The following LRRC4C variants were observed in gnomAD, a reference collection of about 807,000 sequenced individuals.
The protein encoded by LRRC4C is leucine rich repeat containing 4C.
A neutral mutation model predicts 33.6 loss-of-function variants in LRRC4C; 5 were observed. The observed-to-expected ratio is 0.15, with a 90% CI of 0.08 to 0.31. The LOEUF (loss-of-function observed/expected upper bound fraction) is 0.31, where lower values mean the gene tolerates loss of function less well. LRRC4C is among the 10% of genes least tolerant of loss of function. The pLI, the probability that LRRC4C is intolerant of heterozygous loss-of-function variation, is 1.00. For synonymous variants in LRRC4C, 329 were observed against 302.0 expected (o/e 1.09, Z -0.93); for missense variants, 560 against 796.7 (o/e 0.70, Z 3.58).
intron 3 of LRRC4C, among the ~76,000 whole-genome samples, chr11:40,462,314 T>C (rs926166358): frequency 6.6e-6 from 1 of 152,114 alleles, no homozygotes; most frequent in Non-Finnish European, 1.5e-5. Context: ...CTTTATTATG[T>C]AGGAACAATT....
chr11:41,201,044 G>A (rs1946381229), intron 1 of LRRC4C, among the ~76,000 whole-genome samples: 1 of 152,154 alleles, frequency 6.6e-6, no homozygotes, highest in South Asian at 2.1e-4. Flanking sequence ...AATGTTTTAA[G>A]ATGGAGAAAC....
intron 5 of LRRC4C, among the ~76,000 whole-genome samples, chr11:40,236,578 G>A (rs912426983): frequency 1.3e-5 from 2 of 152,098 alleles, no homozygotes; most frequent in African/African-American, 4.8e-5. Context: ...AAAGGATTAT[G>A]AACAGAATAT....
intron 1 of LRRC4C, among the ~76,000 whole-genome samples, chr11:41,161,437 T>C (rs2136028985): frequency 6.6e-6 from 1 of 152,314 alleles, no homozygotes; most frequent in East Asian, 1.9e-4. Context: ...CTTAAGTGCA[T>C]ACTATTAAAT....
At chr11:41,217,378 C>T (rs1947106656) in intron 1 of LRRC4C, among the ~76,000 whole-genome samples, 1 of 152,060 alleles carries the variant, frequency 6.6e-6, no homozygotes, top group Admixed American at 6.6e-5. Flanking sequence ...TATCTGAATA[C>T]TTTAAAAATA....
chr11:41,421,241 A>T (rs990212946), intron 1 of LRRC4C, among the ~76,000 whole-genome samples: 3 of 152,020 alleles, frequency 2.0e-5, no homozygotes, highest in Non-Finnish European at 4.4e-5. Context: ...CCAGATAGAA[A>T]ATCCCAACCA....
At chr11:41,002,187 C>A (rs996811212) in intron 1 of LRRC4C, among the ~76,000 whole-genome samples, 3 of 152,110 alleles carry the variant, frequency 2.0e-5, no homozygotes, top group East Asian at 1.9e-4. Context: ...AAGTAACAGA[C>A]CTCTGATGGA....
intron 1 of LRRC4C, among the ~76,000 whole-genome samples, chr11:41,026,980 ACT>A (rs1230435334): frequency 1.3e-5 from 2 of 151,282 alleles, no homozygotes; most frequent in African/African-American, 2.4e-5. Flanking sequence ...CCAAACGCAC[ACT>A]CTCTCTTTTC....
rs185975451 is a variant in LRRC4C at position 41,017,322 on chromosome 11, C to A, written c.-495-83599G>T. ...TTATATTCATTTGATTAGGCATGGA[C>A]AAGTTTTCATCCAATTCAAGGTTGT... is the stretch of plus-strand genomic sequence containing the variant. On this transcript the variant is annotated intron_variant, in intron 1 of 6. Transcript: ENST00000528697. Among the ~76,000 whole-genome samples the A allele has an allele frequency of 3.3e-5, 5 of 152,276 alleles. No homozygotes were observed. The East Asian group carries it at 9.7e-4, about 29-fold the overall frequency.
chr11:40,881,361 T>G (rs1182435901), intron 2 of LRRC4C, among the ~76,000 whole-genome samples: 1 of 152,162 alleles, frequency 6.6e-6, no homozygotes, highest in Non-Finnish European at 1.5e-5. Flanking sequence ...CTTACTCATT[T>G]CTGAGGCCAT....
intron 2 of LRRC4C, among the ~76,000 whole-genome samples, chr11:40,809,786 G>T (rs1951410745): frequency 6.6e-6 from 1 of 152,140 alleles, no homozygotes; most frequent in Non-Finnish European, 1.5e-5. Flanking sequence ...CAGACTCTCA[G>T]TAAATGGTGG....
chr11:40,497,994 C>G (rs1009691100), intron 3 of LRRC4C, among the ~76,000 whole-genome samples: 2 of 152,132 alleles, frequency 1.3e-5, no homozygotes, highest in African/African-American at 4.8e-5. Flanking sequence ...TTGTACTACT[C>G]TTAACACTTA....
At chr11:40,412,634 A>G (rs1950193476) in intron 3 of LRRC4C, among the ~76,000 whole-genome samples, 1 of 151,986 alleles carries the variant, frequency 6.6e-6, no homozygotes, top group Non-Finnish European at 1.5e-5. Context: ...GCCACCTCCC[A>G]TGTCATTCAC....
chr11:40,767,072 C>A (rs1295919646), intron 2 of LRRC4C, among the ~76,000 whole-genome samples: 1 of 151,758 alleles, frequency 6.6e-6, no homozygotes. Flanking sequence ...AATCTGTTTC[C>A]TACCGAAAGC....
At chr11:40,666,551 C>T (rs1943823696) in intron 2 of LRRC4C, among the ~76,000 whole-genome samples, 1 of 152,034 alleles carries the variant, frequency 6.6e-6, no homozygotes. Context: ...TGCAATGTCT[C>T]AAAAATGGTT....
chr11:40,486,218 G>A lies in LRRC4C; in HGVS notation c.-270+161924C>T, dbSNP rs1181148782. On this transcript the variant is annotated intron_variant, in intron 3 of 6. Transcript: ENST00000528697. ...AATATTGATGCAATCTGACCATATG[G>A]GCCTTCTGACAGGATGAAAACTACA... Among the ~76,000 whole-genome samples, 3 of 150,150 alleles carry A rather than the reference G, an allele frequency of 2.0e-5. No homozygotes were observed. In the East Asian group the frequency reaches 5.8e-4, roughly 29 times the overall value.
intron 1 of LRRC4C, among the ~76,000 whole-genome samples, chr11:41,058,143 AAAG>A (rs1179969965): frequency 2.6e-5 from 4 of 152,354 alleles, no homozygotes; most frequent in Middle Eastern, 3.4e-3. Flanking sequence ...AAAGAGAAGG[AAAG>A]AAGAACTGCG....
At chr11:41,076,036 T>C (rs1036486307) in intron 1 of LRRC4C, among the ~76,000 whole-genome samples, 2 of 152,182 alleles carry the variant, frequency 1.3e-5, no homozygotes, top group Non-Finnish European at 2.9e-5. Context: ...GTGCCTTCTG[T>C]ATTAGCTTGA....
At chr11:40,981,938 T>C (rs1025653282) in intron 1 of LRRC4C, among the ~76,000 whole-genome samples, 2 of 152,234 alleles carry the variant, frequency 1.3e-5, no homozygotes, top group Non-Finnish European at 2.9e-5. Context: ...ATATCTATAA[T>C]ATTTTTAAAG....
chr11:41,155,557 A>G (rs1944192175), intron 1 of LRRC4C, among the ~76,000 whole-genome samples: 2 of 151,986 alleles, frequency 1.3e-5, no homozygotes, highest in Non-Finnish European at 2.9e-5. Context: ...CCCTCTTCCA[A>G]TGATGGACTC....
Sources: gnomAD v4.1 joint callset for allele counts (sites outside exome capture counted in the v4.1 genomes callset) on GRCh38, gnomAD v4.1.1 for gene constraint, MANE v1.5 for transcripts, NCBI Gene and HGNC (gene_info 2026-07-23, HGNC 2026-07-21) for gene names.